AHRR: variants seen among roughly 807,000 people sequenced by gnomAD.
The protein encoded by AHRR is ahR repressor.
AHRR carries 28 observed loss-of-function variants against 44.0 expected under a neutral mutation model. The observed-to-expected ratio is 0.64, with a 90% confidence interval of 0.47 to 0.87. The LOEUF is 0.87. AHRR is among the 40% of genes least tolerant of loss of function. The probability of loss-of-function intolerance (pLI) is 0.00; values close to 1 mark genes in which losing one functional copy is unlikely to be tolerated. For synonymous variants in AHRR, 434 were observed against 407.0 expected (o/e 1.07, Z -0.80); for missense variants, 990 against 953.9 (o/e 1.04, Z -0.50).
In AHRR at chr5:434,937, C is replaced by A; in HGVS notation, c.*103C>A. The A allele has an allele frequency of 7.0e-7, 1 of 1,429,376 alleles. No individual in the cohort carries two copies. The highest frequency in any genetic ancestry group is 9.3e-7 in the Non-Finnish European group (1 of 1,075,228). 88.5% of individuals were successfully genotyped at this position (1,429,376 alleles called of 1,614,324 possible). A position where few individuals can be genotyped will look rare whatever the true frequency, so the allele number is the denominator to read the frequency against. ...TCAGGCCGGAGCCCGTCCTAAGACA[C>A]ACGCTTTGCAGAGCTGTGCATGCGC... On this transcript the variant is annotated 3_prime_UTR_variant, in exon 11 of 11. Coordinates refer to ENST00000684583, the MANE Select transcript of AHRR (RefSeq NM_001377236.1).
intron 2 of AHRR, among the ~76,000 whole-genome samples, chr5:350,922 C>A (rs1742837769): frequency 6.6e-6 from 1 of 151,248 alleles, no homozygotes; most frequent in South Asian, 2.1e-4. Flanking sequence ...GAAAAACAAC[C>A]CAATTTAAAA....
chr5:329,560 T>A (rs1741842079), intron 1 of AHRR, among the ~76,000 whole-genome samples: 1 of 152,230 alleles, frequency 6.6e-6, no homozygotes, highest in South Asian at 2.1e-4. Context: ...TGATAGGGAT[T>A]ATACTGAATC....
chr5:381,421 G>A (rs1476891161), intron 4 of AHRR, among the ~76,000 whole-genome samples: 1 of 151,332 alleles, frequency 6.6e-6, no homozygotes, highest in African/African-American at 2.4e-5. Flanking sequence ...TAGATTAGGA[G>A]TGGTCAAAGA....
In AHRR at chr5:341,266, C is replaced by T. The variant is rs538312227; in HGVS notation, c.-10-2627C>T. On this transcript the variant is annotated intron_variant, in intron 1 of 10. Coordinates refer to ENST00000684583, the MANE Select transcript of AHRR (RefSeq NM_001377236.1). Reference sequence around the variant, plus strand: ...CTAACCTCAGGTGATCCACCTGCCTCGCCCTCCCAAAGTGCTGGGATTATA... The same window carrying T: ...CTAACCTCAGGTGATCCACCTGCCTTGCCCTCCCAAAGTGCTGGGATTATA... 1.2e-4 allele frequency among the ~76,000 whole-genome samples: 18 copies of T among 152,238 alleles called. No homozygotes were observed. In the South Asian group the frequency reaches 3.3e-3, roughly 28 times the overall value.
At position 387,253 on chromosome 5, in the gene AHRR, G is replaced by A. The variant is rs542894775; in HGVS notation, c.351+10537G>A. On this transcript the variant is annotated intron_variant, in intron 4 of 10. Transcript: ENST00000684583. The surrounding 1 kb of genome is among the most constrained non-coding windows in gnomAD (Gnocchi z 5.1). ...GTCTCCTGCTCTCTCCTCTGCTTACGTCCCCCACCCTGCTGCCTCCTGGGG... is the reference window on the plus strand; with the variant it reads ...GTCTCCTGCTCTCTCCTCTGCTTACATCCCCCACCCTGCTGCCTCCTGGGG... Among the ~76,000 whole-genome samples, 5 of 152,324 alleles carry A rather than the reference G, an allele frequency of 3.3e-5. No homozygotes were observed. In the South Asian group the frequency reaches 6.2e-4, roughly 19 times the overall value.
rs868020087 is a variant in AHRR, at chr5:327,941, T to C, written c.-11+6122T>C. Among the ~76,000 whole-genome samples the C allele has an allele frequency of 1.9e-3, 295 of 152,186 alleles. 2 individuals carry two copies. In the Middle Eastern group the frequency reaches 0.031, roughly 16 times the overall value. ...TAATGCTATCCCTCCCCGCTCCCCC[T>C]ACCCTACAACAGTCCCCAGAGTGTG... On this transcript the variant is annotated intron_variant, in intron 1 of 10. Coordinates refer to ENST00000684583, the MANE Select transcript of AHRR (RefSeq NM_001377236.1).
chr5:398,234 T>C lies in AHRR; in HGVS notation c.352-15110T>C, dbSNP rs1230592933. Among the ~76,000 whole-genome samples the C allele has an allele frequency of 2.6e-5, 3 of 114,606 alleles. 1 individual carries two copies. Among genetic ancestry groups the C allele is most frequent in the South Asian group, 2.9e-4 (1 of 3,506 alleles). The allele number at this position is 114,606 out of a possible 152,430, so 75.2% of individuals were successfully genotyped here. A position where few individuals can be genotyped will look rare whatever the true frequency, so the allele number is the denominator to read the frequency against. On this transcript the variant is annotated intron_variant, in intron 4 of 10. Coordinates refer to ENST00000684583, the MANE Select transcript of AHRR (RefSeq NM_001377236.1). ...CATCCACGTAGCTCCTGACCATCCA[T>C]GTTAGCCCCTGACCATCCACGTAGC...
intron 5 of AHRR, among the ~76,000 whole-genome samples, chr5:416,414 C>T (rs143433207): frequency 1.3e-5 from 2 of 152,380 alleles, no homozygotes; most frequent in East Asian, 1.9e-4. Context: ...CCCGGCACGG[C>T]GTCTCCTACC....
chr5:376,559 T>TGAATGAATGAGAACCGCGGGGTGAAGGCG, intron 3 of AHRR, 51 bp from the exon 4 acceptor site: 1 of 241,104 alleles, frequency 4.1e-6, no homozygotes, highest in East Asian at 7.6e-5. Context: ...TGAAGAAGAG[T>TGAATGAATGAGAACCGCGGGGTGAAGGCG]GGCCAGGCCA....
intron 4 of AHRR, among the ~76,000 whole-genome samples, chr5:390,748 C>T (rs765601706): frequency 2.2e-4 from 33 of 152,026 alleles, no homozygotes; most frequent in Non-Finnish European, 3.4e-4. Flanking sequence ...TCCACACCCT[C>T]GTGGACAAGG....
intron 7 of AHRR, among the ~76,000 whole-genome samples, chr5:426,392 A>G (rs552075007): frequency 1.3e-5 from 2 of 148,408 alleles, no homozygotes; most frequent in South Asian, 2.2e-4. Flanking sequence ...GGAAAGATGG[A>G]TGAATGGATG....
intron 4 of AHRR, among the ~76,000 whole-genome samples, chr5:401,234 G>A (rs1481934774): frequency 6.6e-6 from 1 of 152,238 alleles, no homozygotes; most frequent in African/African-American, 2.4e-5. Flanking sequence ...GCAGGAGTCT[G>A]AGGGGTGGAT....
At chr5:381,794 G>A (rs960864295) in intron 4 of AHRR, among the ~76,000 whole-genome samples, 11 of 152,090 alleles carry the variant, frequency 7.2e-5, no homozygotes, top group Admixed American at 3.3e-4. Context: ...GATTACAGGC[G>A]TGAGCCACCG....
Position 413,356 on chromosome 5 carries a change from T to C in AHRR, c.364T>C (p.Phe122Leu). Residue 122 changes from phenylalanine to leucine, a missense_variant, in exon 5 of 11, where the codon TTT becomes CTT. Physicochemically the swap from Phe to Leu is conservative, Grantham distance 22. Coordinates refer to ENST00000684583, the MANE Select transcript of AHRR (RefSeq NM_001377236.1). Reference sequence around the variant, plus strand: ...TTTTTTCTTCTAGTCTCTTAATGGCTTTGCTCTGGTCGTGAGTGCAGAAGG... The same window carrying C: ...TTTTTTCTTCTAGTCTCTTAATGGCCTTGCTCTGGTCGTGAGTGCAGAAGG... ...GRLLLESLNG[F>L]ALVVSAEGTI... is the part of the protein sequence containing the mutation. 1 of 1,611,786 alleles carries C rather than the reference T, an allele frequency of 6.2e-7. No individual in the cohort carries two copies. Among genetic ancestry groups the C allele is most frequent in the Non-Finnish European group, 8.5e-7 (1 of 1,179,144 alleles).
intron 2 of AHRR, among the ~76,000 whole-genome samples, chr5:344,476 G>GTC (rs1742507632): frequency 1.7e-4 from 2 of 11,922 alleles, no homozygotes; most frequent in East Asian, 8.9e-4. Context: ...GAGGCTGTGT[G>GTC]TGCGCGGGGG....
At chr5:424,501 C>T (rs114318154) in intron 7 of AHRR, among the ~76,000 whole-genome samples, 2,692 of 148,820 alleles carry the variant, frequency 0.018, 72 homozygotes, top group Middle Eastern at 0.064. Flanking sequence ...TCTGTGCACC[C>T]GGCGATGGTG....
At chr5:412,021 G>A (rs1433287511) in intron 4 of AHRR, among the ~76,000 whole-genome samples, 5 of 152,150 alleles carry the variant, frequency 3.3e-5, no homozygotes, top group Admixed American at 6.5e-5. Context: ...TGATGGCCCC[G>A]GGAAGCTGCT....
intron 3 of AHRR, among the ~76,000 whole-genome samples, chr5:363,273 C>G (rs1221338888): frequency 2.6e-5 from 4 of 152,212 alleles, no homozygotes; most frequent in Non-Finnish European, 4.4e-5. Context: ...AGAGCTGGCA[C>G]ATGAGGCTGG....
rs780462198 is a variant in AHRR at position 387,675 on chromosome 5, G to A, written c.351+10959G>A. Among the ~76,000 whole-genome samples, 2 of 152,202 alleles carry A rather than the reference G, an allele frequency of 1.3e-5. No individual in the cohort carries two copies. The highest frequency in any genetic ancestry group is 1.5e-5 in the Non-Finnish European group (1 of 68,036). On this transcript the variant is annotated intron_variant, in intron 4 of 10. Transcript: ENST00000684583. This position sits in a 1 kb window ranked among gnomAD's most constrained non-coding sequence, Gnocchi z 5.1. Reference sequence around the variant, plus strand: ...TTCTGACAGCAGCAGTGGTAATACCGGTAACACATAGTGGTGATGGTGGTG... The same window carrying A: ...TTCTGACAGCAGCAGTGGTAATACCAGTAACACATAGTGGTGATGGTGGTG...
Sources: gnomAD v4.1 joint callset for allele counts (sites outside exome capture counted in the v4.1 genomes callset) on GRCh38, gnomAD v4.1.1 for gene constraint, Gnocchi (gnomAD v3.1) non-coding constraint, MANE v1.5 for transcripts, NCBI Gene and HGNC (gene_info 2026-07-23, HGNC 2026-07-21) for gene names.